LAMC3: variants seen among roughly 807,000 people sequenced by gnomAD.
The protein encoded by LAMC3 is laminin subunit gamma 3.
A neutral mutation model predicts 173.8 loss-of-function variants in LAMC3; 128 were observed. The observed-to-expected ratio is 0.74, with a 90% CI of 0.64 to 0.85. The LOEUF is 0.85. LAMC3 is among the 40% of genes least tolerant of loss of function. The probability of loss-of-function intolerance (pLI) is 0.00; values close to 1 mark genes in which losing one functional copy is unlikely to be tolerated. For missense variants in LAMC3, 2,022 were observed against 2,156.0 expected, an observed-to-expected ratio of 0.94 and a Z score of 1.23; for synonymous variants, 897 against 909.1, an observed-to-expected ratio of 0.99 and a Z score of 0.24.
intron 9 of LAMC3, among the ~76,000 whole-genome samples, chr9:131,050,230 G>A (rs1174431179): frequency 6.6e-6 from 1 of 152,254 alleles, no homozygotes; most frequent in Non-Finnish European, 1.5e-5. Flanking sequence ...TGGACGGCCT[G>A]TCCTCATGGT....
chr9:131,053,385 G>A (rs1039104901), intron 11 of LAMC3, among the ~76,000 whole-genome samples: 2 of 152,076 alleles, frequency 1.3e-5, no homozygotes, highest in African/African-American at 2.4e-5. Context: ...TTGTACCTAA[G>A]CCACCCTAGG....
chr9:131,054,714 C>T (rs956810659), intron 11 of LAMC3, among the ~76,000 whole-genome samples: 13 of 151,398 alleles, frequency 8.6e-5, no homozygotes, highest in African/African-American at 3.2e-4. Context: ...CACTGCACTC[C>T]AGCCTGGGTA....
At position 131,009,638 on chromosome 9, in the gene LAMC3, TG is replaced by T; in HGVS notation, c.373+56del. 1 of 1,543,528 alleles carries T rather than the reference TG, an allele frequency of 6.5e-7. No homozygotes were observed. On this transcript the variant is annotated intron_variant, in intron 1 of 27. Transcript: ENST00000361069. This position sits in a 1 kb window ranked among gnomAD's most constrained non-coding sequence, Gnocchi z 4.3. The stretch of plus-strand genomic sequence containing the variant: ...ACCGCACCCCGTGTCCCCACTCCAC[TG>T]GGGGTCTGAGGCTGAGGCCTGAGCT...
In LAMC3 at chr9:131,067,026, A is replaced by G; in HGVS notation, c.2414A>G (p.Gln805Arg). 1 of 1,614,020 alleles carries G rather than the reference A, an allele frequency of 6.2e-7. No homozygotes were observed. The highest frequency in any genetic ancestry group is 1.1e-5 in the South Asian group (1 of 91,084). ...CCGCTGGGGCTCTTTGGGCACCCCC[A>G]GCCCTGCCACCAGTGCCAGTGTAGC... is the stretch of plus-strand genomic sequence containing the variant. ...GDPLGLFGHP[Q>R]PCHQCQCSGN... The change falls in exon 14 of 28, where the codon CAG becomes CGG. Residue 805 changes from glutamine to arginine, a missense_variant. Gln to Arg is a conservative substitution (Grantham distance 43). Coordinates refer to ENST00000361069, the MANE Select transcript of LAMC3 (RefSeq NM_006059.4).
At chr9:131,042,255 C>G (rs917187259) in intron 7 of LAMC3, among the ~76,000 whole-genome samples, 5 of 151,612 alleles carry the variant, frequency 3.3e-5, no homozygotes, top group African/African-American at 1.2e-4. Context: ...TAACGGAGCA[C>G]TATCACAACC....
chr9:131,068,811 G>A (rs73554443), intron 15 of LAMC3, 97 bp from the exon 16 acceptor site: 1 of 1,346,896 alleles, frequency 7.4e-7, no homozygotes, highest in East Asian at 2.3e-5. Flanking sequence ...GTCAGCAGAG[G>A]GCTGTGATCT....
Position 131,009,455 on chromosome 9 carries a change from G to T in LAMC3, c.241G>T (p.Asp81Tyr), listed in dbSNP as rs1239140297. ...GAHCQRCDAA[D>Y]PQRHHNASYL... ...TCATTGCCAGCGCTGCGACGCCGCC[G>T]ACCCCCAGCGCCACCACAACGCCTC... The change falls in exon 1 of 28, where the codon GAC (aspartate) becomes TAC (tyrosine). Residue 81 changes from aspartate to tyrosine, a missense_variant. Coordinates refer to ENST00000361069, the MANE Select transcript of LAMC3 (RefSeq NM_006059.4). This position sits in a 1 kb window ranked among gnomAD's most constrained non-coding sequence, Gnocchi z 4.3. 2 of 1,547,474 alleles carry T rather than the reference G, an allele frequency of 1.3e-6. No individual in the cohort carries two copies.
In LAMC3 at chr9:131,052,869, G is replaced by A; in HGVS notation, c.1843G>A (p.Asp615Asn). The change falls in exon 11 of 28, where the codon GAC becomes AAC. Residue 615 changes from aspartate to asparagine, a missense_variant. Physicochemically the swap from Asp to Asn is conservative, Grantham distance 23. Transcript: ENST00000361069. Reference protein sequence around the residue: ...LRFHLQETSEDVAPPLPPFHF... With the variant: ...LRFHLQETSENVAPPLPPFHF... ...CGCCAGCCTGCAGGAGACCTCCGAGGACGTGGCCCCTCCACTGCCCCCCTT... is the reference window on the plus strand; with the variant it reads ...CGCCAGCCTGCAGGAGACCTCCGAGAACGTGGCCCCTCCACTGCCCCCCTT... 1 of 1,613,598 alleles carries A rather than the reference G, an allele frequency of 6.2e-7. No homozygotes were observed. Among genetic ancestry groups the A allele is most frequent in the Non-Finnish European group, 8.5e-7 (1 of 1,179,756 alleles).
At chr9:131,036,535 A>T (rs897934278) in intron 4 of LAMC3, among the ~76,000 whole-genome samples, 2 of 152,064 alleles carry the variant, frequency 1.3e-5, no homozygotes, top group African/African-American at 4.8e-5. Flanking sequence ...TCTCTCCTCC[A>T]CTAAGTAGCT....
Position 131,009,555 on chromosome 9 carries a change from AC to A in LAMC3, c.345del (p.Thr116ProfsTer9), listed in dbSNP as rs1392915838. On this transcript the variant is annotated frameshift_variant, in exon 1 of 28. Transcript: ENST00000361069. LOFTEE classifies it high-confidence loss of function. This position sits in a 1 kb window ranked among gnomAD's most constrained non-coding sequence, Gnocchi z 4.3. Reference sequence around the variant, plus strand: ...CCGTCCATGGCCTTCGGCGTGCAGTACCCCACCTCGGTCAACATCACCCTCC... The same window carrying A: ...CCGTCCATGGCCTTCGGCGTGCAGTACCCACCTCGGTCAACATCACCCTCC... Reference protein sequence around the residue: ...QSPSMAFGVQYPTSVNITLRL... With the variant: ...QSPSMAFGVQXPTSVNITLRL... 1.3e-6 allele frequency: 2 copies of A among 1,569,818 alleles called. No homozygotes were observed. Among genetic ancestry groups the A allele is most frequent in the Admixed American group, 3.7e-5 (2 of 54,380 alleles).
intron 7 of LAMC3, among the ~76,000 whole-genome samples, chr9:131,043,958 T>G (rs1391996773): frequency 7.4e-6 from 1 of 134,614 alleles, no homozygotes; most frequent in African/African-American, 2.9e-5. Context: ...AGTGACTTGC[T>G]GCTTTTTTTT....
Position 131,091,525 on chromosome 9 carries a change from G to A in LAMC3, c.4478-12G>A, listed in dbSNP as rs1425643556. On this transcript the variant is annotated splice_polypyrimidine_tract_variant and intron_variant, in intron 27 of 27. Transcript: ENST00000361069. Reference sequence around the variant, plus strand: ...GCTGGCTCACAGTGAGGCTGTTTGTGCCCCACCACAGGGTCGCTGGACACC... The same window carrying A: ...GCTGGCTCACAGTGAGGCTGTTTGTACCCCACCACAGGGTCGCTGGACACC... The A allele has an allele frequency of 1.3e-6, 2 of 1,571,906 alleles. No homozygotes were observed. Among genetic ancestry groups the A allele is most frequent in the South Asian group, 2.3e-5 (2 of 85,930 alleles).
At chr9:131,050,118 C>A (rs1048130998) in intron 9 of LAMC3, among the ~76,000 whole-genome samples, 1 of 152,260 alleles carries the variant, frequency 6.6e-6, no homozygotes, top group African/African-American at 2.4e-5. Context: ...GCAAAAAACT[C>A]ACTCTGTTCC....
At position 131,085,920 on chromosome 9, in the gene LAMC3, G is replaced by C. The variant is rs570079415; in HGVS notation, c.4230+197G>C. ...AATAGGTGTCATTGCTGTCCCCATTGTACAGGTGAGAATGCTGAGGTGCAG... is the reference window on the plus strand; with the variant it reads ...AATAGGTGTCATTGCTGTCCCCATTCTACAGGTGAGAATGCTGAGGTGCAG... On this transcript the variant is annotated intron_variant, in intron 25 of 27. Coordinates refer to ENST00000361069, the MANE Select transcript of LAMC3 (RefSeq NM_006059.4). The C allele has an allele frequency of 2.1e-5, 14 of 659,532 alleles. No homozygotes were observed. The Admixed American group carries it at 2.6e-4, about 12-fold the overall frequency. The allele number at this position is 659,532 out of a possible 1,614,324, so 40.9% of individuals were successfully genotyped here. A position where few individuals can be genotyped will look rare whatever the true frequency, so the allele number is the denominator to read the frequency against.
chr9:131,091,866 T>G lies in LAMC3; in HGVS notation c.*79T>G, dbSNP rs1364076461. 1 of 1,554,342 alleles carries G rather than the reference T, an allele frequency of 6.4e-7. No homozygotes were observed. The highest frequency in any genetic ancestry group is 1.1e-5 in the South Asian group (1 of 87,954). ...GGGGGTGCACACTACCCCACAGGTG[T>G]GCCCATACAGACATTCCCCGGAGCC... On this transcript the variant is annotated 3_prime_UTR_variant, in exon 28 of 28. Transcript: ENST00000361069.
chr9:131,034,002 C>T (rs1018634160), intron 3 of LAMC3, among the ~76,000 whole-genome samples: 1 of 152,182 alleles, frequency 6.6e-6, no homozygotes, highest in African/African-American at 2.4e-5. Flanking sequence ...AACCTGCCCC[C>T]TTATGTGAGT....
intron 12 of LAMC3, among the ~76,000 whole-genome samples, chr9:131,060,710 G>T (rs144424828): frequency 6.6e-6 from 1 of 152,126 alleles, no homozygotes; most frequent in Non-Finnish European, 1.5e-5. Flanking sequence ...AGTGTGCAAG[G>T]TACTTTGAAT....
At chr9:131,046,040 CTG>C (rs1834148399) in intron 8 of LAMC3, among the ~76,000 whole-genome samples, 1 of 152,262 alleles carries the variant, frequency 6.6e-6, no homozygotes, top group Non-Finnish European at 1.5e-5. Flanking sequence ...TTGCCAGGCA[CTG>C]TGCTGAGCAC....
intron 1 of LAMC3, among the ~76,000 whole-genome samples, chr9:131,025,150 C>T (rs1195781273): frequency 1.3e-5 from 2 of 152,234 alleles, no homozygotes; most frequent in East Asian, 3.9e-4. Context: ...CTCCCGCGCC[C>T]GCACCCCAGG....
Sources: gnomAD v4.1 joint callset for allele counts (sites outside exome capture counted in the v4.1 genomes callset) on GRCh38, gnomAD v4.1.1 for gene constraint, Gnocchi (gnomAD v3.1) non-coding constraint, MANE v1.5 for transcripts, NCBI Gene and HGNC (gene_info 2026-07-23, HGNC 2026-07-21) for gene names.